The following MICAL3 variants were observed in gnomAD, a reference collection of about 807,000 sequenced individuals.
MICAL3 encodes the protein microtubule associated monooxygenase, calponin and LIM domain containing 3, also known as [F-actin]-monooxygenase MICAL3.
Under a neutral mutation model 207.4 loss-of-function variants are expected in MICAL3, and 62 were observed. The ratio of observed to expected loss-of-function variants is 0.30; its 90% CI spans 0.24 to 0.37. MICAL3 has a LOEUF of 0.37. Among genes scored for constraint, MICAL3 ranks in the 10% least tolerant of loss-of-function variants. The pLI is 1.00. For synonymous variants in MICAL3, 1,077 were observed against 1,069.3 expected, an observed-to-expected ratio of 1.01 and a Z score of -0.14; for missense variants, 2,368 against 2,635.6, an observed-to-expected ratio of 0.90 and a Z score of 2.22.
intron 19 of MICAL3, among the ~76,000 whole-genome samples, chr22:17,854,804 G>T (rs1302021446): frequency 1.2e-4 from 19 of 152,232 alleles, no homozygotes; most frequent in Admixed American, 1.2e-3. Context: ...CACCAGAGAT[G>T]AATCTGATGG....
At position 17,928,247 on chromosome 22, in the gene MICAL3, G is replaced by A. The variant is rs577640595; in HGVS notation, c.-74-21361C>T. Among the ~76,000 whole-genome samples, 993 of 152,168 alleles carry A rather than the reference G, an allele frequency of 6.5e-3. 10 individuals carry two copies. The highest frequency in any genetic ancestry group is 0.023 in the African/African-American group (963 of 41,530). Reference sequence around the variant, plus strand: ...GAGGTCAGGAGATCGAGACCATCCTGGCTAACACGGTGAAACCCCGCCTCT... The same window carrying A: ...GAGGTCAGGAGATCGAGACCATCCTAGCTAACACGGTGAAACCCCGCCTCT... On this transcript the variant is annotated intron_variant, in intron 1 of 31. Coordinates refer to ENST00000441493, the MANE Select transcript of MICAL3 (RefSeq NM_015241.3).
chr22:17,848,807 T>C (rs1476162576), intron 19 of MICAL3, among the ~76,000 whole-genome samples: 1 of 152,242 alleles, frequency 6.6e-6, no homozygotes, highest in Non-Finnish European at 1.5e-5. Context: ...CCTGCACTTA[T>C]TCTCAGGCAC....
Position 17,900,434 on chromosome 22 carries a change from C to T in MICAL3, c.847+408G>A, listed in dbSNP as rs1931223398. On this transcript the variant is annotated intron_variant, in intron 6 of 31. Coordinates refer to ENST00000441493, the MANE Select transcript of MICAL3 (RefSeq NM_015241.3). This position sits in a 1 kb window ranked among gnomAD's most constrained non-coding sequence, Gnocchi z 4.0. Reference sequence around the variant, plus strand: ...CGGGCAACATGGCGAAACTCCGTCTCTACAAGTAATACGAAAAATTAGCCA... The same window carrying T: ...CGGGCAACATGGCGAAACTCCGTCTTTACAAGTAATACGAAAAATTAGCCA... 6.6e-6 allele frequency among the ~76,000 whole-genome samples: 1 copy of T among 152,180 alleles called. No individual in the cohort carries two copies. Among genetic ancestry groups the T allele is most frequent in the South Asian group, 2.1e-4 (1 of 4,828 alleles).
At chr22:17,926,014 G>C (rs192679640) in intron 1 of MICAL3, among the ~76,000 whole-genome samples, 1 of 152,032 alleles carries the variant, frequency 6.6e-6, no homozygotes, top group Non-Finnish European at 1.5e-5. Context: ...AAACATAAAC[G>C]CACAGGCATT....
In MICAL3 at chr22:17,864,957, G is replaced by A. The variant is rs750769812; in HGVS notation, c.2547C>T (p.Ala849=). ...KEAKGPLQDG[A]TTDANGRANA... is the part of the protein sequence containing the mutation. Reference sequence around the variant, plus strand: ...TGGCCCGTCCGTTTGCATCTGTGGTGGCGCCATCCTGCAGGGGTCCTTTGG... The same window carrying A: ...TGGCCCGTCCGTTTGCATCTGTGGTAGCGCCATCCTGCAGGGGTCCTTTGG... The change falls in exon 19 of 32, where the codon GCC becomes GCT. Residue 849 remains alanine (A), a synonymous_variant. Transcript: ENST00000441493. The A allele has an allele frequency of 3.7e-6, 6 of 1,611,842 alleles. 1 individual carries two copies. The South Asian group carries it at 5.5e-5, about 15-fold the overall frequency.
Position 17,881,950 on chromosome 22 carries a change from G to A in MICAL3, c.2241+3928C>T, listed in dbSNP as rs148030186. Among the ~76,000 whole-genome samples the A allele has an allele frequency of 4.3e-3, 662 of 152,256 alleles. 2 individuals are homozygous for A. Among genetic ancestry groups the A allele is most frequent in the African/African-American group, 0.015 (636 of 41,550 alleles). On this transcript the variant is annotated intron_variant, in intron 16 of 31. Transcript: ENST00000441493. The stretch of plus-strand genomic sequence containing the variant: ...GAGTCTGTCTACAATTTACAAAGCC[G>A]CTGGTATTTGAGAAACAATCACACA...
intron 1 of MICAL3, among the ~76,000 whole-genome samples, chr22:17,972,989 G>A (rs1390424944): frequency 6.6e-6 from 1 of 152,332 alleles, no homozygotes; most frequent in South Asian, 2.1e-4. Flanking sequence ...GCCCAGCCGG[G>A]CCCACGTGGG....
chr22:17,895,553 C>T (rs1602168130), intron 9 of MICAL3, 143 bp from the exon 10 acceptor site: 12 of 937,792 alleles, frequency 1.3e-5, no homozygotes, highest in Middle Eastern at 3.4e-4. Flanking sequence ...TTGAGTCCTA[C>T]GTCAGCCCCT....
At chr22:17,798,522 C>T (rs867926452) in intron 29 of MICAL3, among the ~76,000 whole-genome samples, 1 of 152,202 alleles carries the variant, frequency 6.6e-6, no homozygotes. Context: ...TGGGCAGCCA[C>T]GTGCAGCCCT....
chr22:17,821,352 GA>G, intron 25 of MICAL3, 74 bp downstream of exon 25: 1 of 1,348,330 alleles, frequency 7.4e-7, no homozygotes. Context: ...CATGGGCCCT[GA>G]AACAGAGAAG....
At chr22:17,897,010 A>G (rs546539154) in intron 7 of MICAL3, 29 bp from the exon 8 acceptor site, 5 of 1,588,678 alleles carry the variant, frequency 3.1e-6, no homozygotes, top group Non-Finnish European at 4.3e-6. Context: ...GAGGGTAGGG[A>G]TGGAGAAGCT....
intron 1 of MICAL3, among the ~76,000 whole-genome samples, chr22:18,003,909 A>G (rs1221266538): frequency 6.6e-6 from 1 of 152,006 alleles, no homozygotes; most frequent in Non-Finnish European, 1.5e-5. Context: ...AGCTGGGACC[A>G]CAGATACCTG....
At chr22:17,958,530 C>T (rs1209566848) in intron 1 of MICAL3, among the ~76,000 whole-genome samples, 5 of 152,266 alleles carry the variant, frequency 3.3e-5, no homozygotes, top group Admixed American at 3.3e-4. Flanking sequence ...ACTGGCTCCC[C>T]TACCCCAAAA....
At chr22:17,835,638 A>G (rs951082070) in intron 20 of MICAL3, among the ~76,000 whole-genome samples, 1 of 152,230 alleles carries the variant, frequency 6.6e-6, no homozygotes, top group Non-Finnish European at 1.5e-5. Flanking sequence ...CCAGAAACAG[A>G]TGCAACACAG....
chr22:17,803,425 G>A (rs1278993992), intron 29 of MICAL3: 2 of 152,148 alleles, frequency 1.3e-5, no homozygotes. Context: ...CTTTGCGTAA[G>A]TGTGGCAGGC....
At chr22:17,950,334 T>TTTG (rs1424705091) in intron 1 of MICAL3, among the ~76,000 whole-genome samples, 14 of 122,014 alleles carry the variant, frequency 1.1e-4, no homozygotes, top group Non-Finnish European at 1.2e-4. Context: ...GCGTTTTGTT[T>TTTG]TTGTTTTTTT....
At chr22:17,833,138 G>A (rs1231488191) in intron 20 of MICAL3, among the ~76,000 whole-genome samples, 1 of 152,174 alleles carries the variant, frequency 6.6e-6, no homozygotes, top group Non-Finnish European at 1.5e-5. Context: ...CTGCTGCAGT[G>A]TACCCCACTC....
chr22:17,956,922 A>C (rs1453311640), intron 1 of MICAL3, among the ~76,000 whole-genome samples: 1 of 152,126 alleles, frequency 6.6e-6, no homozygotes, highest in Non-Finnish European at 1.5e-5. Flanking sequence ...CATTTCTCAA[A>C]CTTCCTTGAA....
intron 1 of MICAL3, among the ~76,000 whole-genome samples, chr22:17,921,606 A>C (rs945093421): frequency 5.3e-5 from 8 of 152,124 alleles, no homozygotes; most frequent in Non-Finnish European, 1.2e-4. Flanking sequence ...CTCCTGCCTC[A>C]GCCTCCCTAG....
Sources: gnomAD v4.1 joint callset for allele counts (sites outside exome capture counted in the v4.1 genomes callset) on GRCh38, gnomAD v4.1.1 for gene constraint, Gnocchi (gnomAD v3.1) non-coding constraint, MANE v1.5 for transcripts, NCBI Gene and HGNC (gene_info 2026-07-23, HGNC 2026-07-21) for gene names.